Variants in SNX13 observed in about 807,000 individuals in gnomAD.
SNX13 encodes the protein sorting nexin-13.
A neutral mutation model predicts 133.6 loss-of-function variants in SNX13; 45 were observed. The ratio of observed to expected loss-of-function variants is 0.34; its 90% confidence interval spans 0.27 to 0.43. The LOEUF (loss-of-function observed/expected upper bound fraction) is 0.43, where lower values mean the gene tolerates loss of function less well. SNX13 is among the 20% of genes least tolerant of loss of function. The pLI, the probability that SNX13 is intolerant of heterozygous loss-of-function variation, is 1.00. For missense variants in SNX13, 1,032 were observed against 1,145.1 expected (o/e 0.90, Z 1.43); for synonymous variants, 414 against 373.9 (o/e 1.11, Z -1.24).
chr7:17,851,024 G>A, intron 9 of SNX13, 60 bp from the exon 10 acceptor site: 1 of 1,517,102 alleles, frequency 6.6e-7, no homozygotes, highest in Non-Finnish European at 8.9e-7. Context: ...AAGGAAAACT[G>A]AATCTTGAGT....
At chr7:17,836,967 CT>C (rs999137138) in intron 13 of SNX13, among the ~76,000 whole-genome samples, 4 of 152,034 alleles carry the variant, frequency 2.6e-5, no homozygotes, top group Admixed American at 1.3e-4. Flanking sequence ...TTCTCTAATA[CT>C]TTTCTGAACT....
intron 11 of SNX13, among the ~76,000 whole-genome samples, chr7:17,847,048 A>G (rs553873194): frequency 6.6e-6 from 1 of 152,328 alleles, no homozygotes; most frequent in Non-Finnish European, 1.5e-5. Flanking sequence ...TCTAAATTTT[A>G]AAAGGATTCA....
chr7:17,922,597 T>G (rs1464840002), intron 1 of SNX13, among the ~76,000 whole-genome samples: 1 of 152,232 alleles, frequency 6.6e-6, no homozygotes, highest in East Asian at 1.9e-4. Flanking sequence ...TCTTCACAAG[T>G]TTATTTTCCT....
chr7:17,838,821 C>T (rs1789481239), intron 13 of SNX13, among the ~76,000 whole-genome samples: 1 of 151,684 alleles, frequency 6.6e-6, no homozygotes, highest in African/African-American at 2.4e-5. Context: ...AATTCCAATA[C>T]TTTTAAATGG....
At chr7:17,916,665 G>A (rs1035028681) in intron 1 of SNX13, among the ~76,000 whole-genome samples, 6 of 150,408 alleles carry the variant, frequency 4.0e-5, no homozygotes, top group Admixed American at 3.3e-4. Flanking sequence ...AGTAACAAAA[G>A]AAGAACGTAT....
intron 2 of SNX13, among the ~76,000 whole-genome samples, chr7:17,894,774 G>A (rs1225970047): frequency 2.0e-5 from 3 of 152,078 alleles, no homozygotes; most frequent in Non-Finnish European, 4.4e-5. Context: ...GACAGGAAGG[G>A]AACAGTAAAA....
At chr7:17,836,573 A>G (rs780773333) in intron 13 of SNX13, among the ~76,000 whole-genome samples, 51 of 152,234 alleles carry the variant, frequency 3.4e-4, no homozygotes, top group Non-Finnish European at 6.0e-4. Context: ...GTGAAAATAT[A>G]AAAGTGAATG....
At chr7:17,817,531 G>A (rs1475454011) in intron 18 of SNX13, among the ~76,000 whole-genome samples, 1 of 152,152 alleles carries the variant, frequency 6.6e-6, no homozygotes, top group Non-Finnish European at 1.5e-5. Context: ...ATTAAAAGAA[G>A]GACAAATCTG....
chr7:17,879,835 A>G (rs1262349877), intron 5 of SNX13: 1 of 152,236 alleles, frequency 6.6e-6, no homozygotes, highest in Admixed American at 6.5e-5. Flanking sequence ...AATCAAAGGC[A>G]TCAGTGCCAG....
At chr7:17,887,944 G>C (rs1796195808) in intron 5 of SNX13, among the ~76,000 whole-genome samples, 2 of 152,022 alleles carry the variant, frequency 1.3e-5, no homozygotes, top group Non-Finnish European at 2.9e-5. Flanking sequence ...AGAGGTGATA[G>C]TTTTTGCTGC....
chr7:17,875,010 T>C (rs931533557), intron 7 of SNX13, among the ~76,000 whole-genome samples: 6 of 151,748 alleles, frequency 4.0e-5, no homozygotes, highest in Admixed American at 3.9e-4. Context: ...ATTGATAATT[T>C]CTTTTCTTTT....
chr7:17,882,922 G>C, intron 5 of SNX13: 1 of 961,812 alleles, frequency 1.0e-6, no homozygotes. Flanking sequence ...TTGTACTCCA[G>C]CCTGGGCGAC....
In SNX13 at chr7:17,816,233, C is replaced by G; in HGVS notation, c.1902G>C (p.Met634Ile). 1 of 1,542,976 alleles carries G rather than the reference C, an allele frequency of 6.5e-7. No homozygotes were observed. The highest frequency in any genetic ancestry group is 8.8e-7 in the Non-Finnish European group (1 of 1,142,198). The change falls in exon 19 of 26, where the codon ATG (methionine) becomes ATC (isoleucine). Residue 634 changes from methionine to isoleucine, a missense_variant. Coordinates refer to ENST00000428135, the MANE Select transcript of SNX13 (RefSeq NM_015132.5). The part of the protein sequence containing the change: ...KLPGKKTFNN[M>I]DRDFLEKRKK... ...TTCTCTTTTCTAAAAAATCTCTATCCATATTATTAAAAGTCTTTTTTCCAG... is the reference window on the plus strand; with the variant it reads ...TTCTCTTTTCTAAAAAATCTCTATCGATATTATTAAAAGTCTTTTTTCCAG...
At chr7:17,795,056 T>C (rs1783899855) in intron 25 of SNX13, 1 of 151,500 alleles carries the variant, frequency 6.6e-6, no homozygotes, top group African/African-American at 2.4e-5. Flanking sequence ...AAATAAGCAG[T>C]AACTAGAATA....
rs1784948678 is a variant in SNX13, at chr7:17,804,306, T to C, written c.2065-726A>G. Among the ~76,000 whole-genome samples, 3 of 152,142 alleles carry C rather than the reference T, an allele frequency of 2.0e-5. 1 individual carries two copies. The South Asian group carries it at 6.2e-4, about 32-fold the overall frequency. ...CAAGGCAACAGTTAGGTATTTTGAGTAGATACTGAACAGAAAACAGGTAAA... is the reference window on the plus strand; with the variant it reads ...CAAGGCAACAGTTAGGTATTTTGAGCAGATACTGAACAGAAAACAGGTAAA... On this transcript the variant is annotated intron_variant, in intron 20 of 25. Transcript: ENST00000428135.
intron 20 of SNX13, among the ~76,000 whole-genome samples, chr7:17,808,808 C>A (rs1412181655): frequency 6.6e-6 from 1 of 152,042 alleles, no homozygotes; most frequent in Non-Finnish European, 1.5e-5. Flanking sequence ...ATTCAACATT[C>A]TTAAAAAAAA....
intron 16 of SNX13, among the ~76,000 whole-genome samples, chr7:17,828,509 A>G (rs1016251733): frequency 6.6e-6 from 1 of 151,684 alleles, no homozygotes; most frequent in African/African-American, 2.4e-5. Context: ...CAAAATGAGT[A>G]AAATACCAAA....
At chr7:17,868,266 T>G in intron 9 of SNX13, 141 bp downstream of exon 9, 1 of 654,254 alleles carries the variant, frequency 1.5e-6, no homozygotes, top group Non-Finnish European at 2.6e-6. Context: ...ATAAAAATAT[T>G]GGAAACACAG....
At chr7:17,919,111 C>G (rs939876515) in intron 1 of SNX13, among the ~76,000 whole-genome samples, 5 of 152,084 alleles carry the variant, frequency 3.3e-5, no homozygotes, top group Non-Finnish European at 5.9e-5. Flanking sequence ...ATGGAGGGAG[C>G]CAAGGGTTGA....
Sources: gnomAD v4.1 joint callset for allele counts (sites outside exome capture counted in the v4.1 genomes callset) on GRCh38, gnomAD v4.1.1 for gene constraint, MANE v1.5 for transcripts, NCBI Gene and HGNC (gene_info 2026-07-23, HGNC 2026-07-21) for gene names.